The following BDP1 variants were observed in gnomAD, a reference collection of about 807,000 sequenced individuals.
The protein encoded by BDP1 is transcription factor TFIIIB component B'' homolog.
In BDP1, 169 loss-of-function variants were observed where a neutral mutation model predicts 266.6. The ratio of observed to expected loss-of-function variants is 0.63; its 90% confidence interval spans 0.56 to 0.72. The LOEUF (loss-of-function observed/expected upper bound fraction) is 0.72. Ranked by LOEUF, BDP1 falls within the 30% of genes least tolerant of loss-of-function variation. The probability of loss-of-function intolerance (pLI) is 0.00; values close to 1 mark genes in which losing one functional copy is unlikely to be tolerated. For synonymous variants in BDP1, 1,090 were observed against 1,022.4 expected (o/e 1.07, Z -1.26); for missense variants, 3,015 against 3,053.8 (o/e 0.99, Z 0.30).
At chr5:71,572,087 C>T (rs1267683832), downstream of BDP1, among the ~76,000 whole-genome samples, 1 of 152,184 alleles carries the variant, frequency 6.6e-6, no homozygotes, top group Non-Finnish European at 1.5e-5. Flanking sequence ...ACTGGGACGT[C>T]TAGAGCCTAT....
intron 31 of BDP1, among the ~76,000 whole-genome samples, 168 bp downstream of exon 31, chr5:71,544,675 C>T (rs1394332932): frequency 6.6e-6 from 1 of 151,816 alleles, no homozygotes; most frequent in Non-Finnish European, 1.5e-5. Context: ...GTCAGGAGAT[C>T]GAGACCATCC....
chr5:71,464,734 T>TA lies in BDP1; in HGVS notation c.659+617_659+618insA, dbSNP rs1382314823. On this transcript the variant is annotated intron_variant, in intron 4 of 38. Coordinates refer to ENST00000358731, the MANE Select transcript of BDP1 (RefSeq NM_018429.3). ...TTTTTAGTTTTTTTTTTTTTTTTTTTTTTGAGATGGAGTCTTGCTCTGTCA... is the reference window on the plus strand; with the variant it reads ...TTTTTAGTTTTTTTTTTTTTTTTTTTATTTGAGATGGAGTCTTGCTCTGTCA... Among the ~76,000 whole-genome samples, 214 of 144,658 alleles carry TA rather than the reference T, an allele frequency of 1.5e-3. 3 individuals are homozygous for TA. The highest frequency in any genetic ancestry group is 1.6e-3 in the Non-Finnish European group (102 of 65,750). 94.9% of individuals were successfully genotyped at this position (144,658 alleles called of 152,430 possible).
intron 2 of BDP1, among the ~76,000 whole-genome samples, chr5:71,460,085 A>C (rs1288980482): frequency 6.6e-6 from 1 of 152,184 alleles, no homozygotes; most frequent in African/African-American, 2.4e-5. Context: ...AACACACTTA[A>C]ACTGGTGTCT....
chr5:71,486,632 T>A lies in BDP1; in HGVS notation c.1213+5T>A. On this transcript the variant is annotated splice_donor_5th_base_variant and intron_variant, in intron 9 of 38. Transcript: ENST00000358731. ...AACCACGGAAAAATGTAAAAGGTAT[T>A]GATTTTAAAAGGAAGTGTGATAGTT... is the stretch of plus-strand genomic sequence containing the variant. 1 of 1,510,840 alleles carries A rather than the reference T, an allele frequency of 6.6e-7. No individual in the cohort carries two copies. The allele number at this position is 1,510,840 out of a possible 1,614,324, so 93.6% of individuals were successfully genotyped here. A position where few individuals can be genotyped will look rare whatever the true frequency, so the allele number is the denominator to read the frequency against.
At chr5:71,503,302 CA>C (rs981900853) in intron 15 of BDP1, among the ~76,000 whole-genome samples, 2 of 152,028 alleles carry the variant, frequency 1.3e-5, no homozygotes, top group African/African-American at 2.4e-5. Context: ...ACCCCCTTTT[CA>C]AAACAGTACT....
chr5:71,481,321 C>T (rs974162326), intron 7 of BDP1, among the ~76,000 whole-genome samples: 19 of 136,740 alleles, frequency 1.4e-4, no homozygotes, highest in African/African-American at 3.8e-4. Flanking sequence ...GAGGCTGAGA[C>T]GGGAGGATTG....
At position 71,491,130 on chromosome 5, in the gene BDP1, A is replaced by G. The variant is rs1236950263; in HGVS notation, c.1639A>G (p.Ser547Gly). The G allele has an allele frequency of 6.2e-7, 1 of 1,613,534 alleles. No individual in the cohort carries two copies. The highest frequency in any genetic ancestry group is 1.3e-5 in the African/African-American group (1 of 75,030). Reference sequence around the variant, plus strand: ...AAGAACTGACCCCATCCTTTCATTAAGGTATTTTCTGTGTCTTTTCTGGTT... The same window carrying G: ...AAGAACTGACCCCATCCTTTCATTAGGGTATTTTCTGTGTCTTTTCTGGTT... ...EKRTDPILSL[S>G]NQQDATSVAT... The change falls in exon 11 of 39, where the codon AGT (serine) becomes GGT (glycine). Residue 547 changes from serine (S) to glycine (G), a missense_variant and splice_region_variant. Coordinates refer to ENST00000358731, the MANE Select transcript of BDP1 (RefSeq NM_018429.3).
At position 71,548,745 on chromosome 5, in the gene BDP1, G is replaced by A; in HGVS notation, c.6808G>A (p.Val2270Met). Residue 2270 changes from valine (V) to methionine (M), a missense_variant and splice_region_variant, in exon 33 of 39, where the codon GTG (valine) becomes ATG (methionine). This residue lies in a region of BDP1 where 629 missense variants were observed against 632.5 expected (regional missense o/e 0.99). Transcript: ENST00000358731. ...TATAATCAATCCTCAAGACCTAACAGGTATGATAATATGCTTCAGTGACAT... is the reference window on the plus strand; with the variant it reads ...TATAATCAATCCTCAAGACCTAACAAGTATGATAATATGCTTCAGTGACAT... ...ENIINPQDLT[V>M]NLVANVPQDG... 1.9e-6 allele frequency: 3 copies of A among 1,588,474 alleles called. No individual in the cohort carries two copies. The highest frequency in any genetic ancestry group is 2.6e-6 in the Non-Finnish European group (3 of 1,157,966).
chr5:71,495,834 C>T (rs1287488137), intron 12 of BDP1, among the ~76,000 whole-genome samples: 1 of 151,880 alleles, frequency 6.6e-6, no homozygotes, highest in African/African-American at 2.4e-5. Flanking sequence ...TAGTATCTTC[C>T]CAAGAAACGA....
intron 32 of BDP1, chr5:71,545,424 C>G: frequency 1.9e-6 from 1 of 536,952 alleles, no homozygotes; most frequent in Middle Eastern, 4.8e-4. Flanking sequence ...CTCTGCCACC[C>G]AGATTCAACA....
chr5:71,549,345 G>T, intron 33 of BDP1, 75 bp from the exon 34 acceptor site: 1 of 1,204,182 alleles, frequency 8.3e-7, no homozygotes, highest in Non-Finnish European at 1.2e-6. Flanking sequence ...TGTCTTTTTA[G>T]AAATGAAATA....
chr5:71,459,472 T>C (rs1761410412), intron 2 of BDP1, among the ~76,000 whole-genome samples: 1 of 152,120 alleles, frequency 6.6e-6, no homozygotes, highest in African/African-American at 2.4e-5. Context: ...AGATTGTGCC[T>C]CTGCATTCCA....
chr5:71,465,436 A>AT (rs918963170), intron 4 of BDP1, among the ~76,000 whole-genome samples: 1 of 151,622 alleles, frequency 6.6e-6, no homozygotes, highest in African/African-American at 2.4e-5. Flanking sequence ...TAATTTTTAA[A>AT]TTTTTTTTGT....
chr5:71,470,559 G>A (rs1411017085), intron 7 of BDP1, 70 bp downstream of exon 7: 2 of 998,622 alleles, frequency 2.0e-6, no homozygotes. Context: ...AGTATTATTC[G>A]CTTACCTTTG....
chr5:71,543,783 T>G (rs1450649953), intron 30 of BDP1, among the ~76,000 whole-genome samples: 3 of 152,208 alleles, frequency 2.0e-5, no homozygotes, highest in Admixed American at 6.5e-5. Context: ...TATGACTCTC[T>G]CTGCTTCTTG....
chr5:71,486,437 C>G, intron 8 of BDP1, 47 bp from the exon 9 acceptor site: 2 of 1,489,768 alleles, frequency 1.3e-6, no homozygotes, highest in Non-Finnish European at 1.8e-6. Flanking sequence ...CTAGAAGTAG[C>G]TTTTAAAAAT....
At chr5:71,466,333 T>G in intron 5 of BDP1, 112 bp downstream of exon 5, 1 of 1,133,724 alleles carries the variant, frequency 8.8e-7, no homozygotes, top group Non-Finnish European at 1.3e-6. Context: ...ACCTTGACGT[T>G]CTTATTTGCA....
chr5:71,508,851 A>T (rs1316914739), intron 16 of BDP1, among the ~76,000 whole-genome samples: 2 of 152,226 alleles, frequency 1.3e-5, no homozygotes, highest in South Asian at 2.1e-4. Context: ...GCCCAGTAGC[A>T]TTCAGCAAAG....
intron 32 of BDP1, 167 bp downstream of exon 32, chr5:71,545,386 C>A: frequency 2.9e-6 from 2 of 687,778 alleles, no homozygotes; most frequent in Non-Finnish European, 2.4e-6. Flanking sequence ...GGCAAGAGTG[C>A]AGTGGTATGA....
Sources: allele counts gnomAD v4.1 joint callset (sites outside exome capture counted in the v4.1 genomes callset), GRCh38; gene constraint gnomAD v4.1.1; regional missense constraint gnomAD v4.1.1; transcripts MANE v1.5; gene names NCBI Gene and HGNC (gene_info 2026-07-23, HGNC 2026-07-21).